PNKD: variants seen among roughly 807,000 people sequenced by gnomAD.
The protein encoded by PNKD is PNKD metallo-beta-lactamase domain containing.
Under a neutral mutation model 45.3 loss-of-function variants are expected in PNKD, and 36 were observed. The ratio of observed to expected loss-of-function variants is 0.80; its 90% confidence interval spans 0.61 to 1.05. The LOEUF (loss-of-function observed/expected upper bound fraction) is 1.05. Ranked by LOEUF, PNKD falls within the 50% of genes least tolerant of loss-of-function variation. PNKD has a pLI of 0.00. For missense variants in PNKD, 511 were observed against 506.6 expected, an observed-to-expected ratio of 1.01 and a Z score of -0.08; for synonymous variants, 197 against 210.1, an observed-to-expected ratio of 0.94 and a Z score of 0.54.
chr2:218,315,120 C>CTTTCTTTCTTT (rs1553667879), intron 2 of PNKD, among the ~76,000 whole-genome samples: 6 of 47,100 alleles, frequency 1.3e-4, no homozygotes, highest in East Asian at 2.2e-3. Context: ...TTCCTTCCTT[C>CTTTCTTTCTTT]CTTTCTTTCT....
At chr2:218,288,780 C>A (rs900422775) in intron 2 of PNKD, among the ~76,000 whole-genome samples, 5 of 151,946 alleles carry the variant, frequency 3.3e-5, no homozygotes, top group African/African-American at 1.2e-4. Context: ...AAAGTGTTTT[C>A]TTGGGGGTGG....
chr2:218,339,760 T>C (rs1275554720), intron 2 of PNKD, 23 bp from the exon 3 acceptor site: 6 of 1,491,922 alleles, frequency 4.0e-6, no homozygotes, highest in Middle Eastern at 1.7e-4. Context: ...AGGCTAATCA[T>C]AGGCCACCCA....
intron 2 of PNKD, among the ~76,000 whole-genome samples, chr2:218,292,836 G>T (rs959525048): frequency 1.3e-5 from 2 of 152,174 alleles, no homozygotes; most frequent in Non-Finnish European, 2.9e-5. Flanking sequence ...TATGTATTTT[G>T]TTTTTCTACA....
Position 218,270,583 on chromosome 2 carries a change from A to G in PNKD, c.48A>G (p.Arg16=), listed in dbSNP as rs987174979. The stretch of plus-strand genomic sequence containing the variant: ...CGGCGCTGAAGGGCCGGGGGGCGAG[A>G]AATGCCCGCGTCCTCCGGGGTAAGG... ...AATALKGRGA[R]NARVLRGILA... The change falls in exon 1 of 10, where the codon AGA becomes AGG. Residue 16 remains arginine (R), a synonymous_variant. Transcript: ENST00000273077. 3 of 1,133,644 alleles carry G rather than the reference A, an allele frequency of 2.6e-6. No individual in the cohort carries two copies. Among genetic ancestry groups the G allele is most frequent in the Non-Finnish European group, 3.4e-6 (3 of 870,344 alleles). The allele number at this position is 1,133,644 out of a possible 1,614,324, so 70.2% of individuals were successfully genotyped here. A position where few individuals can be genotyped will look rare whatever the true frequency, so the allele number is the denominator to read the frequency against.
chr2:218,344,740 T>C (rs908377450), intron 9 of PNKD, 68 bp from the exon 10 acceptor site: 2 of 1,536,146 alleles, frequency 1.3e-6, no homozygotes, highest in African/African-American at 2.7e-5. Flanking sequence ...AGGGGTCGGG[T>C]CAGGCTTCTC....
At position 218,345,954 on chromosome 2, in the gene PNKD, A is replaced by T. The variant is rs972476148; in HGVS notation, c.*973A>T. 6.6e-6 allele frequency: 1 copy of T among 152,364 alleles called. No individual in the cohort carries two copies. Among genetic ancestry groups the T allele is most frequent in the African/African-American group, 2.4e-5 (1 of 41,462 alleles). The allele number at this position is 152,364 out of a possible 1,614,324, so 9.4% of individuals were successfully genotyped here. On this transcript the variant is annotated 3_prime_UTR_variant, in exon 10 of 10. Transcript: ENST00000273077. ...TTGAGTTAGTAAAGATTTATTCTGT[A>T]ACCTGACACTCATCTGGCCCTTTGC...
chr2:218,329,305 A>C (rs1694248445), intron 2 of PNKD, among the ~76,000 whole-genome samples: 1 of 152,184 alleles, frequency 6.6e-6, no homozygotes, highest in African/African-American at 2.4e-5. Context: ...CCTCAGGCCT[A>C]GCTCAGGGAG....
chr2:218,342,260 C>A, intron 7 of PNKD, 116 bp downstream of exon 7: 1 of 827,572 alleles, frequency 1.2e-6, no homozygotes. Flanking sequence ...GTTGCCGTGG[C>A]AGTTACTTCC....
At chr2:218,324,890 G>A (rs968970135) in intron 2 of PNKD, among the ~76,000 whole-genome samples, 18 of 150,300 alleles carry the variant, frequency 1.2e-4, no homozygotes, top group African/African-American at 3.9e-4. Context: ...AGCCGAGATC[G>A]CAGCCATTGC....
At chr2:218,329,475 G>T (rs1694256395) in intron 2 of PNKD, among the ~76,000 whole-genome samples, 1 of 152,236 alleles carries the variant, frequency 6.6e-6, no homozygotes, top group African/African-American at 2.4e-5. Flanking sequence ...TCCCAGCCAG[G>T]GCTGAGACCA....
chr2:218,294,860 T>C (rs771931979), intron 2 of PNKD, among the ~76,000 whole-genome samples: 4 of 152,230 alleles, frequency 2.6e-5, no homozygotes, highest in African/African-American at 4.8e-5. Flanking sequence ...GGCCTCACCT[T>C]TTAATACTAT....
At chr2:218,329,428 T>C (rs1694254832) in intron 2 of PNKD, among the ~76,000 whole-genome samples, 1 of 152,210 alleles carries the variant, frequency 6.6e-6, no homozygotes, top group Admixed American at 6.5e-5. Flanking sequence ...GCAGGTGGCC[T>C]GGGATTACAC....
At chr2:218,299,711 T>C (rs1693225163) in intron 2 of PNKD, among the ~76,000 whole-genome samples, 2 of 150,346 alleles carry the variant, frequency 1.3e-5, no homozygotes, top group South Asian at 2.1e-4. Flanking sequence ...AACCTCCACC[T>C]CCCAGTTTCA....
At chr2:218,317,446 C>T (rs1375181107) in intron 2 of PNKD, among the ~76,000 whole-genome samples, 2 of 152,184 alleles carry the variant, frequency 1.3e-5, no homozygotes, top group Non-Finnish European at 2.9e-5. Flanking sequence ...TGTTGAAATC[C>T]TTAGAGAGTC....
chr2:218,342,029 G>A lies in PNKD; in HGVS notation c.666G>A (p.Arg222=). 3 of 1,613,730 alleles carry A rather than the reference G, an allele frequency of 1.9e-6. No individual in the cohort carries two copies. Among genetic ancestry groups the A allele is most frequent in the Non-Finnish European group, 2.5e-6 (3 of 1,179,662 alleles). The change falls in exon 7 of 10, where the codon CGG becomes CGA. Residue 222 remains arginine (R), a synonymous_variant. Transcript: ENST00000273077. ...TCAGCGTGGGACGGCTTCAGATCCG[G>A]GCCCTGGCTACACCTGGCCACACAC... is the stretch of plus-strand genomic sequence containing the variant. The part of the protein sequence containing the change: ...DVVSVGRLQI[R]ALATPGHTQG...
chr2:218,298,179 C>T (rs1440304599), intron 2 of PNKD, among the ~76,000 whole-genome samples: 2 of 152,148 alleles, frequency 1.3e-5, no homozygotes, highest in Non-Finnish European at 2.9e-5. Flanking sequence ...AGCCAGGCCA[C>T]GGAACCAGCC....
intron 2 of PNKD, among the ~76,000 whole-genome samples, chr2:218,322,374 C>G (rs910548543): frequency 2.2e-4 from 33 of 152,196 alleles, no homozygotes; most frequent in Admixed American, 5.2e-4. Flanking sequence ...TTCCAGGGAC[C>G]TTAACAACTT....
Position 218,343,562 on chromosome 2 carries a change from G to A in PNKD, c.844G>A (p.Gly282Arg). 6.2e-7 allele frequency: 1 copy of A among 1,613,396 alleles called. No homozygotes were observed. Among genetic ancestry groups the A allele is most frequent in the Non-Finnish European group, 8.5e-7 (1 of 1,179,724 alleles). ...CTCACTGGACACTGTGCTGGGGCTA[G>A]GGGATGACACCCTTCTGTGGCCTGG... is the stretch of plus-strand genomic sequence containing the variant. ...LSSLDTVLGL[G>R]DDTLLWPGHE... The change falls in exon 8 of 10, where the codon GGG becomes AGG. Residue 282 changes from glycine (G) to arginine (R), a missense_variant. Transcript: ENST00000273077.
At chr2:218,282,523 G>A (rs1174918096) in intron 2 of PNKD, among the ~76,000 whole-genome samples, 2 of 152,236 alleles carry the variant, frequency 1.3e-5, no homozygotes, top group Non-Finnish European at 2.9e-5. Context: ...TTGGTGGCTT[G>A]ATGGCAGAAC....
Sources: allele counts gnomAD v4.1 joint callset (sites outside exome capture counted in the v4.1 genomes callset), GRCh38; gene constraint gnomAD v4.1.1; transcripts MANE v1.5; gene names NCBI Gene and HGNC (gene_info 2026-07-23, HGNC 2026-07-21).